NAA15: variants seen among roughly 807,000 people sequenced by gnomAD.
The protein encoded by NAA15 is N-alpha-acetyltransferase 15, NatA auxiliary subunit, also known as N-terminal acetyltransferase.
NAA15 carries 34 observed loss-of-function variants against 114.0 expected under a neutral mutation model. The ratio of observed to expected loss-of-function variants is 0.30; its 90% CI spans 0.23 to 0.40. The LOEUF (loss-of-function observed/expected upper bound fraction) is 0.40, where lower values mean the gene tolerates loss of function less well. Ranked by LOEUF, NAA15 falls within the 10% of genes least tolerant of loss-of-function variation. The probability of loss-of-function intolerance (pLI) is 1.00; values close to 1 mark genes in which losing one functional copy is unlikely to be tolerated. For missense variants in NAA15, 658 were observed against 1,004.5 expected, an observed-to-expected ratio of 0.66 and a Z score of 4.66; for synonymous variants, 340 against 338.0, an observed-to-expected ratio of 1.01 and a Z score of -0.06.
At chr4:139,377,077 A>G (rs1463365884) in intron 16 of NAA15, among the ~76,000 whole-genome samples, 4 of 152,188 alleles carry the variant, frequency 2.6e-5, no homozygotes, top group Admixed American at 6.5e-5. Context: ...CTGAGTTAAT[A>G]TTTTCCAAGT....
chr4:139,383,767 A>C (rs1030102773), intron 17 of NAA15, among the ~76,000 whole-genome samples: 2 of 152,238 alleles, frequency 1.3e-5, no homozygotes, highest in Non-Finnish European at 2.9e-5. Flanking sequence ...CACCGTGCCC[A>C]GCCTATTTAT....
At chr4:139,359,485 G>A (rs1748067878) in intron 11 of NAA15, among the ~76,000 whole-genome samples, 1 of 152,086 alleles carries the variant, frequency 6.6e-6, no homozygotes. Context: ...GCAGTTTTGG[G>A]CAATGGCGAT....
At chr4:139,342,487 T>TG (rs1747439429) in intron 4 of NAA15, among the ~76,000 whole-genome samples, 1 of 150,950 alleles carries the variant, frequency 6.6e-6, no homozygotes, top group African/African-American at 2.4e-5. Context: ...GTGTTTTTTT[T>TG]TTTTTTTTTT....
Position 139,372,513 on chromosome 4 carries a change from A to G in NAA15, c.1947+2109A>G, listed in dbSNP as rs189892078. On this transcript the variant is annotated intron_variant, in intron 15 of 19. Coordinates refer to ENST00000296543, the MANE Select transcript of NAA15 (RefSeq NM_057175.5). ...CATGGGCTGCTCCTCAGTACATATT[A>G]TTCTTACCTGTTAGGTACATAAGAC... Among the ~76,000 whole-genome samples the G allele has an allele frequency of 1.3e-3, 205 of 152,272 alleles. 1 individual carries two copies. Among genetic ancestry groups the G allele is most frequent in the East Asian group, 9.7e-4 (5 of 5,174 alleles).
At chr4:139,312,659 C>CA (rs1343365661) in intron 1 of NAA15, among the ~76,000 whole-genome samples, 2 of 151,698 alleles carry the variant, frequency 1.3e-5, no homozygotes, top group Non-Finnish European at 2.9e-5. Context: ...GCCTGGGCAA[C>CA]ATAGCAAGGC....
intron 1 of NAA15, 103 bp downstream of exon 1, chr4:139,301,934 G>T (rs1006520281): frequency 1.0e-5 from 13 of 1,279,952 alleles, no homozygotes; most frequent in Non-Finnish European, 1.3e-5. Context: ...TCCCGCCCGG[G>T]ACCCCGCCTT....
rs763741009 is a variant in NAA15 at position 139,370,344 on chromosome 4, T to C, written c.1887T>C (p.Asp629=). ...AGAGAAATCAGAAAAAGAAGAAGGA[T>C]GATGATGATGAGGAGATAGGAGGTC... ...KQQRNQKKKK[D]DDDEEIGGPK... is the part of the protein sequence containing the mutation. Residue 629 remains aspartate, a synonymous_variant, in exon 15 of 20, where the codon GAT becomes GAC. Coordinates refer to ENST00000296543, the MANE Select transcript of NAA15 (RefSeq NM_057175.5). 1.3e-6 allele frequency: 2 copies of C among 1,583,958 alleles called. No individual in the cohort carries two copies. Among genetic ancestry groups the C allele is most frequent in the South Asian group, 2.3e-5 (2 of 86,816 alleles).
Position 139,388,175 on chromosome 4 carries a change from C to A in NAA15, c.*91C>A. Reference sequence around the variant, plus strand: ...ACCTGCTGCATTGCTCTAACTTACACAGAATGAGAGGAGTAAATGTTCTTG... The same window carrying A: ...ACCTGCTGCATTGCTCTAACTTACAAAGAATGAGAGGAGTAAATGTTCTTG... On this transcript the variant is annotated 3_prime_UTR_variant, in exon 20 of 20. Transcript: ENST00000296543. 2 of 1,044,924 alleles carry A rather than the reference C, an allele frequency of 1.9e-6. No individual in the cohort carries two copies. The highest frequency in any genetic ancestry group is 2.8e-6 in the Non-Finnish European group (2 of 713,062). 64.7% of individuals were successfully genotyped at this position (1,044,924 alleles called of 1,614,324 possible). A position where few individuals can be genotyped will look rare whatever the true frequency, so the allele number is the denominator to read the frequency against.
At chr4:139,380,017 C>A (rs1019798392) in intron 17 of NAA15, among the ~76,000 whole-genome samples, 5 of 152,192 alleles carry the variant, frequency 3.3e-5, no homozygotes, top group Non-Finnish European at 7.3e-5. Flanking sequence ...TACACTCCAG[C>A]CTGGGCAACA....
At chr4:139,339,207 T>C (rs1422203985) in intron 3 of NAA15, among the ~76,000 whole-genome samples, 2 of 152,154 alleles carry the variant, frequency 1.3e-5, no homozygotes, top group African/African-American at 4.8e-5. Context: ...TTTAAAAAGA[T>C]TATTTTGGGC....
chr4:139,375,410 G>A (rs541792124), intron 15 of NAA15, among the ~76,000 whole-genome samples: 17 of 152,096 alleles, frequency 1.1e-4, no homozygotes, highest in African/African-American at 3.6e-4. Flanking sequence ...TACACACTAG[G>A]ACGTGGTGAA....
At chr4:139,385,008 T>C (rs1379123439) in intron 18 of NAA15, 30 bp downstream of exon 18, 1 of 1,447,744 alleles carries the variant, frequency 6.9e-7, no homozygotes, top group Admixed American at 2.6e-5. Context: ...CTTAGCCTTC[T>C]AAAACAACTT....
intron 1 of NAA15, among the ~76,000 whole-genome samples, chr4:139,306,555 G>A (rs1746024197): frequency 6.6e-6 from 1 of 151,334 alleles, no homozygotes; most frequent in East Asian, 1.9e-4. Context: ...GTTTAAGGAA[G>A]ACTTGTGTTT....
In NAA15 at chr4:139,385,927, A is replaced by G. The variant is rs568212654; in HGVS notation, c.2303-206A>G. ...GGGTAGATATATGTGGTATACCTCTATTGTTCTCTTTCTTTGGATGGTTAA... is the reference window on the plus strand; with the variant it reads ...GGGTAGATATATGTGGTATACCTCTGTTGTTCTCTTTCTTTGGATGGTTAA... On this transcript the variant is annotated intron_variant, in intron 18 of 19. Coordinates refer to ENST00000296543, the MANE Select transcript of NAA15 (RefSeq NM_057175.5). Among the ~76,000 whole-genome samples, 7 of 152,234 alleles carry G rather than the reference A, an allele frequency of 4.6e-5. No individual in the cohort carries two copies. The South Asian group carries it at 1.0e-3, about 23-fold the overall frequency.
At chr4:139,352,003 G>C (rs1240889440) in intron 9 of NAA15, among the ~76,000 whole-genome samples, 1 of 151,594 alleles carries the variant, frequency 6.6e-6, no homozygotes, top group Non-Finnish European at 1.5e-5. Context: ...AAATTTGGTA[G>C]ACAAAAAGTT....
At chr4:139,335,524 C>G (rs1747170442) in intron 2 of NAA15, among the ~76,000 whole-genome samples, 1 of 151,918 alleles carries the variant, frequency 6.6e-6, no homozygotes, top group Non-Finnish European at 1.5e-5. Flanking sequence ...TGCCACCATG[C>G]CAGGCTAATT....
intron 1 of NAA15, among the ~76,000 whole-genome samples, chr4:139,329,313 A>G (rs780701099): frequency 6.6e-6 from 1 of 152,046 alleles, no homozygotes; most frequent in African/African-American, 2.4e-5. Context: ...TCTTTATCGT[A>G]ATTCCATCAC....
chr4:139,330,072 T>A (rs1746951579), intron 1 of NAA15, among the ~76,000 whole-genome samples: 5 of 152,222 alleles, frequency 3.3e-5, no homozygotes, highest in Admixed American at 3.3e-4. Context: ...AAGAAAAAGT[T>A]CAGCTTCACC....
chr4:139,380,404 T>C (rs904168367), intron 17 of NAA15, among the ~76,000 whole-genome samples: 5 of 152,218 alleles, frequency 3.3e-5, no homozygotes, highest in African/African-American at 9.6e-5. Flanking sequence ...CACACTGTTA[T>C]ATACTTTATA....
Sources: gnomAD v4.1 joint callset for allele counts (sites outside exome capture counted in the v4.1 genomes callset) on GRCh38, gnomAD v4.1.1 for gene constraint, MANE v1.5 for transcripts, NCBI Gene and HGNC (gene_info 2026-07-23, HGNC 2026-07-21) for gene names.